NFYC: variants seen among roughly 807,000 people sequenced by gnomAD.
NFYC encodes the protein nuclear transcription factor Y subunit gamma.
In NFYC, 25 loss-of-function variants were observed where a neutral mutation model predicts 53.1. The observed-to-expected ratio is 0.47, with a 90% CI of 0.34 to 0.66. The LOEUF is 0.66. NFYC is among the 30% of genes least tolerant of loss of function. NFYC has a pLI of 0.01. For synonymous variants in NFYC, 145 were observed against 152.6 expected, an observed-to-expected ratio of 0.95 and a Z score of 0.37; for missense variants, 260 against 422.7, an observed-to-expected ratio of 0.62 and a Z score of 3.38.
intron 7 of NFYC, chr1:40,763,450 G>T (rs35262530): frequency 0.25 from 113,940 of 452,454 alleles, 16,359 homozygotes; most frequent in East Asian, 0.41. Context: ...AGGTTCAAGC[G>T]ATTCTCCTGC....
At chr1:40,754,121 CTTTATT>C (rs985592302) in intron 5 of NFYC, among the ~76,000 whole-genome samples, 2 of 152,020 alleles carry the variant, frequency 1.3e-5, no homozygotes, top group African/African-American at 4.8e-5. Context: ...TTATATAAAA[CTTTATT>C]TTTAATGAAT....
intron 2 of NFYC, among the ~76,000 whole-genome samples, chr1:40,744,748 CAGG>C (rs1645523898): frequency 6.6e-6 from 1 of 152,160 alleles, no homozygotes; most frequent in Non-Finnish European, 1.5e-5. Flanking sequence ...GAATCAGTAT[CAGG>C]AGAAGGAGTT....
intron 7 of NFYC, chr1:40,763,437 C>T: frequency 2.2e-6 from 1 of 453,990 alleles, no homozygotes; most frequent in Non-Finnish European, 4.4e-6. Flanking sequence ...GCTTCCGCCT[C>T]CCAGGTTCAA....
rs145020339 is a variant in NFYC at position 40,759,559 on chromosome 1, A to ATGTGTGTG, written c.561+1275_561+1282dup. ...TCAAAAAAAAAACAAAAAAAAGTATATGTGTGTGTGTGTGTGTATGTGTGT... is the reference window on the plus strand; with the variant it reads ...TCAAAAAAAAAACAAAAAAAAGTATATGTGTGTGTGTGTGTGTGTGTGTGTATGTGTGT... On this transcript the variant is annotated intron_variant, in intron 6 of 9. Coordinates refer to ENST00000447388, the MANE Select transcript of NFYC (RefSeq NM_014223.5). Among the ~76,000 whole-genome samples the ATGTGTGTG allele has an allele frequency of 1.8e-4, 27 of 149,320 alleles. No homozygotes were observed. The East Asian group carries it at 3.5e-3, about 20-fold the overall frequency.
intron 4 of NFYC, among the ~76,000 whole-genome samples, chr1:40,751,437 A>G (rs774609106): frequency 2.0e-5 from 3 of 152,064 alleles, no homozygotes; most frequent in Non-Finnish European, 4.4e-5. Flanking sequence ...ATAGGGTCTC[A>G]CTCTGTGGCC....
rs945615469 is a variant in NFYC, at chr1:40,747,419, C to G, written c.106-115C>G. 4 of 669,178 alleles carry G rather than the reference C, an allele frequency of 6.0e-6. No individual in the cohort carries two copies. The African/African-American group carries it at 7.3e-5, about 12-fold the overall frequency. The allele number at this position is 669,178 out of a possible 1,614,324, so 41.5% of individuals were successfully genotyped here. On this transcript the variant is annotated intron_variant, in intron 2 of 9. Transcript: ENST00000447388. The stretch of plus-strand genomic sequence containing the variant: ...TTCATTTCATCTGTACCTTCTCTCC[C>G]GACATACGCTTCCTGAAGAGAGGGA...
At chr1:40,766,777 A>T (rs774055517) in intron 8 of NFYC, 74 bp downstream of exon 8, 31 of 1,516,986 alleles carry the variant, frequency 2.0e-5, no homozygotes, top group Non-Finnish European at 2.8e-5. Flanking sequence ...AGGAGCGCTC[A>T]GCACACAGCT....
rs778362047 is a variant in NFYC at position 40,747,620 on chromosome 1, A to G, written c.177+15A>G. The G allele has an allele frequency of 6.4e-7, 1 of 1,554,622 alleles. No individual in the cohort carries two copies. Among genetic ancestry groups the G allele is most frequent in the Non-Finnish European group, 8.9e-7 (1 of 1,127,336 alleles). ...AAGATGTGAAGGTGAATTCACATTC[A>G]TTTTTATTATTTCTTATTGAAGCTA... On this transcript the variant is annotated intron_variant, in intron 3 of 9. Transcript: ENST00000447388.
chr1:40,751,827 G>T (rs1180849025), intron 4 of NFYC, among the ~76,000 whole-genome samples: 1 of 151,950 alleles, frequency 6.6e-6, no homozygotes, highest in African/African-American at 2.4e-5. Context: ...AGATTGAGTA[G>T]ATGACATCAA....
chr1:40,731,055 G>T (rs1175932044), intron 1 of NFYC, among the ~76,000 whole-genome samples: 1 of 152,120 alleles, frequency 6.6e-6, no homozygotes, highest in Non-Finnish European at 1.5e-5. Flanking sequence ...AATTGTCTCA[G>T]CCTGAGTGAG....
intron 1 of NFYC, among the ~76,000 whole-genome samples, chr1:40,714,221 A>G (rs637399): frequency 0.12 from 18,689 of 152,212 alleles, 1,272 homozygotes; most frequent in African/African-American, 0.15. Context: ...GCTAACCTGT[A>G]TTTAATAAAC....
chr1:40,701,546 C>T (rs1643435188), intron 1 of NFYC, among the ~76,000 whole-genome samples: 1 of 152,190 alleles, frequency 6.6e-6, no homozygotes, highest in Non-Finnish European at 1.5e-5. Flanking sequence ...TTTAATTCTC[C>T]TAAGAAGCTT....
At chr1:40,753,734 C>T (rs1211205833) in intron 5 of NFYC, among the ~76,000 whole-genome samples, 5 of 152,140 alleles carry the variant, frequency 3.3e-5, no homozygotes, top group Admixed American at 2.0e-4. Context: ...AATATCAGCG[C>T]CCAGGCTCTA....
chr1:40,738,935 G>A lies in NFYC; in HGVS notation c.92G>A (p.Arg31Gln), dbSNP rs758938124. Reference sequence around the variant, plus strand: ...TGGCCTCGGGTCATGGAAGAAATCCGGAATTTAACAGTGGTGAGGAAGAAT... The same window carrying A: ...TGGCCTCGGGTCATGGAAGAAATCCAGAATTTAACAGTGGTGAGGAAGAAT... ...SFWPRVMEEI[R>Q]NLTVKDFRVQ... Residue 31 changes from arginine (R) to glutamine (Q), a missense_variant, in exon 2 of 10, where the codon CGG becomes CAG. Arg to Gln is a conservative substitution (Grantham distance 43, BLOSUM62 1). Coordinates refer to ENST00000447388, the MANE Select transcript of NFYC (RefSeq NM_014223.5). 5 of 1,612,194 alleles carry A rather than the reference G, an allele frequency of 3.1e-6. No individual in the cohort carries two copies. Among genetic ancestry groups the A allele is most frequent in the Admixed American group, 1.7e-5 (1 of 59,984 alleles).
At chr1:40,755,423 A>C (rs1048413608) in intron 5 of NFYC, among the ~76,000 whole-genome samples, 1 of 152,222 alleles carries the variant, frequency 6.6e-6, no homozygotes, top group Non-Finnish European at 1.5e-5. Flanking sequence ...CTGAATTGTG[A>C]GTCCAAGGCC....
intron 5 of NFYC, among the ~76,000 whole-genome samples, chr1:40,755,517 G>A (rs1214557286): frequency 1.3e-5 from 2 of 152,162 alleles, no homozygotes; most frequent in Non-Finnish European, 2.9e-5. Context: ...GGTAGTTGAG[G>A]CCTGACTTCT....
intron 4 of NFYC, among the ~76,000 whole-genome samples, chr1:40,751,524 GCCTC>G (rs1168930358): frequency 2.6e-5 from 4 of 152,094 alleles, no homozygotes; most frequent in Non-Finnish European, 5.9e-5. Flanking sequence ...TCCCACCTCA[GCCTC>G]CCAAGTAGCT....
At position 40,699,088 on chromosome 1, in the gene NFYC, C is replaced by T. The variant is rs888651384; in HGVS notation, c.-9+7221C>T. ...CTGAGGCAGGAGAATCGCTTGAATCCGGGAGGCAGAGGTTGCAGTGAGCCG... is the reference window on the plus strand; with the variant it reads ...CTGAGGCAGGAGAATCGCTTGAATCTGGGAGGCAGAGGTTGCAGTGAGCCG... On this transcript the variant is annotated intron_variant, in intron 1 of 9. Transcript: ENST00000447388. 9.9e-5 allele frequency among the ~76,000 whole-genome samples: 15 copies of T among 151,970 alleles called. No individual in the cohort carries two copies. The South Asian group carries it at 1.3e-3, about 13-fold the overall frequency.
At chr1:40,754,589 G>A in intron 5 of NFYC, 1 of 371,794 alleles carries the variant, frequency 2.7e-6, no homozygotes, top group East Asian at 7.5e-5. Context: ...AGAACAAAGA[G>A]TATCATACAC....
Sources: gnomAD v4.1 joint callset for allele counts (sites outside exome capture counted in the v4.1 genomes callset) on GRCh38, gnomAD v4.1.1 for gene constraint, MANE v1.5 for transcripts, NCBI Gene and HGNC (gene_info 2026-07-23, HGNC 2026-07-21) for gene names.